Variants in NKAIN2 observed in about 807,000 individuals in gnomAD.
NKAIN2 encodes sodium/potassium transporting ATPase interacting 2, also known as sodium/potassium-transporting ATPase subunit beta-1-interacting protein 2.
Under a neutral mutation model 32.6 loss-of-function variants are expected in NKAIN2, and 14 were observed. That is an observed-to-expected ratio of 0.43 (90% CI 0.28 to 0.67). NKAIN2 has a LOEUF of 0.67. Ranked by LOEUF, NKAIN2 falls within the 30% of genes least tolerant of loss-of-function variation. The pLI is 0.17. For missense variants in NKAIN2, 198 were observed against 258.3 expected (o/e 0.77, Z 1.60); for synonymous variants, 80 against 87.2 (o/e 0.92, Z 0.46).
chr6:123,899,584 A>G (rs1774456348), intron 1 of NKAIN2, among the ~76,000 whole-genome samples: 1 of 152,188 alleles, frequency 6.6e-6, no homozygotes, highest in African/African-American at 2.4e-5. Flanking sequence ...CACGCACCTC[A>G]TGCACTGGTA....
At chr6:124,389,628 A>AT (rs951062842) in intron 3 of NKAIN2, among the ~76,000 whole-genome samples, 192 of 150,572 alleles carry the variant, frequency 1.3e-3, no homozygotes, top group African/African-American at 4.0e-3. Flanking sequence ...ATATGAAATG[A>AT]TTTTTTTTCC....
At chr6:124,516,802 C>G (rs1033511380) in intron 3 of NKAIN2, among the ~76,000 whole-genome samples, 2 of 152,166 alleles carry the variant, frequency 1.3e-5, no homozygotes, top group Non-Finnish European at 2.9e-5. Context: ...CAAACTGAGT[C>G]ACCTTCACTT....
chr6:124,658,559 C>G, intron 4 of NKAIN2, 173 bp downstream of exon 4: 1 of 1,429,462 alleles, frequency 7.0e-7, no homozygotes, highest in Admixed American at 2.8e-5. Flanking sequence ...ATCCTCTGGA[C>G]TTAGTGTGCT....
chr6:124,364,277 T>G (rs1799425548), intron 3 of NKAIN2, among the ~76,000 whole-genome samples: 1 of 136,880 alleles, frequency 7.3e-6, no homozygotes, highest in Non-Finnish European at 1.6e-5. Context: ...CAAAAACATA[T>G]GGGTTCAACA....
At chr6:124,531,863 G>C (rs1023651056) in intron 3 of NKAIN2, among the ~76,000 whole-genome samples, 2 of 152,138 alleles carry the variant, frequency 1.3e-5, no homozygotes, top group Non-Finnish European at 2.9e-5. Context: ...TACAGACGGG[G>C]TTTCACCATG....
intron 1 of NKAIN2, among the ~76,000 whole-genome samples, chr6:123,920,043 TG>T (rs1367080110): frequency 2.0e-5 from 3 of 152,088 alleles, no homozygotes; most frequent in Non-Finnish European, 4.4e-5. Context: ...GTATGAAAAG[TG>T]CCTCCTTAGT....
chr6:124,780,463 T>C (rs180814459), intron 4 of NKAIN2, among the ~76,000 whole-genome samples: 13 of 152,278 alleles, frequency 8.5e-5, no homozygotes. Flanking sequence ...TATATGGTGA[T>C]AAATGTTGTT....
At chr6:124,155,681 A>G (rs563343482) in intron 1 of NKAIN2, among the ~76,000 whole-genome samples, 1 of 151,862 alleles carries the variant, frequency 6.6e-6, no homozygotes, top group African/African-American at 2.4e-5. Flanking sequence ...AGATAAATGG[A>G]AAAAAAATCT....
chr6:124,385,513 C>T (rs914795465), intron 3 of NKAIN2, among the ~76,000 whole-genome samples: 2 of 152,118 alleles, frequency 1.3e-5, no homozygotes, highest in South Asian at 2.1e-4. Flanking sequence ...GATCTGGCCC[C>T]GACTCACTGA....
At chr6:123,983,862 A>C (rs918560002) in intron 1 of NKAIN2, among the ~76,000 whole-genome samples, 2 of 152,142 alleles carry the variant, frequency 1.3e-5, no homozygotes, top group Non-Finnish European at 2.9e-5. Context: ...ATTTGCTGCT[A>C]GTAAGAAATA....
chr6:124,051,836 A>T (rs1048735702), intron 1 of NKAIN2, among the ~76,000 whole-genome samples: 5 of 152,056 alleles, frequency 3.3e-5, no homozygotes, highest in Admixed American at 1.3e-4. Context: ...CCAAAAGCAG[A>T]TAAAAGTTTA....
At chr6:123,990,708 C>CA (rs2114687838) in intron 1 of NKAIN2, among the ~76,000 whole-genome samples, 1 of 152,270 alleles carries the variant, frequency 6.6e-6, no homozygotes, top group South Asian at 2.1e-4. Flanking sequence ...AAACCATAAC[C>CA]ACTACTTAGT....
chr6:124,195,681 T>C (rs802283), intron 1 of NKAIN2, among the ~76,000 whole-genome samples: 105,792 of 151,928 alleles, frequency 0.7, 37,127 homozygotes, highest in South Asian at 0.75. Flanking sequence ...TTCATAACAA[T>C]TCCTCAATGG....
intron 3 of NKAIN2, among the ~76,000 whole-genome samples, chr6:124,479,660 T>C (rs1777367889): frequency 6.6e-6 from 1 of 152,222 alleles, no homozygotes; most frequent in Non-Finnish European, 1.5e-5. Flanking sequence ...AAAGAAAATC[T>C]AGAATCAGCA....
intron 1 of NKAIN2, among the ~76,000 whole-genome samples, chr6:124,151,501 T>C (rs1055483255): frequency 3.3e-5 from 5 of 152,064 alleles, no homozygotes. Flanking sequence ...GTCTGTCTTT[T>C]GGTGGACATA....
intron 3 of NKAIN2, among the ~76,000 whole-genome samples, chr6:124,565,986 C>T (rs1274454190): frequency 6.6e-6 from 1 of 152,170 alleles, no homozygotes; most frequent in Non-Finnish European, 1.5e-5. Context: ...GGGCTTATAG[C>T]TTTGACCAAG....
At chr6:124,144,704 G>C (rs192486562) in intron 1 of NKAIN2, among the ~76,000 whole-genome samples, 54 of 152,162 alleles carry the variant, frequency 3.5e-4, no homozygotes, top group Non-Finnish European at 7.2e-4. Flanking sequence ...AGAAGAAAAT[G>C]CTCACAATCT....
At position 124,585,527 on chromosome 6, in the gene NKAIN2, C is replaced by T. The variant is rs537248677; in HGVS notation, c.274-72659C>T. Among the ~76,000 whole-genome samples, 6 of 152,138 alleles carry T rather than the reference C, an allele frequency of 3.9e-5. No individual in the cohort carries two copies. The East Asian group carries it at 1.2e-3, about 29-fold the overall frequency. ...GATGTGATTATTATGCATTGTCTGC[C>T]TACATCAAAATATCTCATGTACTCT... On this transcript the variant is annotated intron_variant, in intron 3 of 6. Transcript: ENST00000368417.
intron 1 of NKAIN2, among the ~76,000 whole-genome samples, chr6:123,927,466 A>C (rs1217638655): frequency 6.6e-6 from 1 of 152,162 alleles, no homozygotes; most frequent in African/African-American, 2.4e-5. Context: ...CTGGCATTAG[A>C]GATAACCTCT....
Sources: gnomAD v4.1 joint callset for allele counts (sites outside exome capture counted in the v4.1 genomes callset) on GRCh38, gnomAD v4.1.1 for gene constraint, MANE v1.5 for transcripts, NCBI Gene and HGNC (gene_info 2026-07-23, HGNC 2026-07-21) for gene names.